Variants in KCNAB1 observed in about 807,000 individuals in gnomAD.
KCNAB1 encodes the protein potassium voltage-gated channel subfamily A regulatory beta subunit 1.
In KCNAB1, 35 loss-of-function variants were observed where a neutral mutation model predicts 64.6. The ratio of observed to expected loss-of-function variants is 0.54; its 90% CI spans 0.41 to 0.72. The LOEUF (loss-of-function observed/expected upper bound fraction) is 0.72. Among genes scored for constraint, KCNAB1 ranks in the 30% least tolerant of loss-of-function variants. The probability of loss-of-function intolerance (pLI) is 0.00; values close to 1 mark genes in which losing one functional copy is unlikely to be tolerated. For synonymous variants in KCNAB1, 177 were observed against 183.8 expected, an observed-to-expected ratio of 0.96 and a Z score of 0.30; for missense variants, 401 against 512.9, an observed-to-expected ratio of 0.78 and a Z score of 2.11.
rs575384633 is a variant in KCNAB1, at chr3:156,506,906, A to G, written c.659-7458A>G. The stretch of plus-strand genomic sequence containing the variant: ...TCGAAAAAAAACAAAAAGAAAGCTC[A>G]TATTTCCCAAGTCATTTATACTCAT... On this transcript the variant is annotated intron_variant, in intron 8 of 13. Coordinates refer to ENST00000490337, the MANE Select transcript of KCNAB1 (RefSeq NM_172160.3). Among the ~76,000 whole-genome samples, 9 of 152,326 alleles carry G rather than the reference A, an allele frequency of 5.9e-5. No homozygotes were observed. In the South Asian group the frequency reaches 1.2e-3, roughly 21 times the overall value.
intron 1 of KCNAB1, among the ~76,000 whole-genome samples, chr3:156,312,626 C>A (rs1038973230): frequency 2.4e-5 from 3 of 125,730 alleles, no homozygotes; most frequent in African/African-American, 1.2e-4. Flanking sequence ...GCAGGAGAAT[C>A]GCTTGAACCT....
At chr3:156,410,827 G>A (rs575497892) in intron 1 of KCNAB1, among the ~76,000 whole-genome samples, 3 of 152,266 alleles carry the variant, frequency 2.0e-5, no homozygotes, top group South Asian at 4.1e-4. Flanking sequence ...ACCCAAATTT[G>A]TTAATCCATT....
chr3:156,378,812 A>G (rs1385432521), intron 1 of KCNAB1, among the ~76,000 whole-genome samples: 1 of 152,140 alleles, frequency 6.6e-6, no homozygotes, highest in Non-Finnish European at 1.5e-5. Context: ...CAAGCCCAGG[A>G]ACGAGGAGGG....
At chr3:156,301,474 C>T (rs1721151123) in intron 1 of KCNAB1, among the ~76,000 whole-genome samples, 1 of 152,116 alleles carries the variant, frequency 6.6e-6, no homozygotes, top group Non-Finnish European at 1.5e-5. Flanking sequence ...ATCTTAGCAG[C>T]CTGATTTCAG....
At chr3:156,514,994 G>C (rs1717460463) in intron 9 of KCNAB1, 106 bp from the exon 10 acceptor site, 1 of 1,149,586 alleles carries the variant, frequency 8.7e-7, no homozygotes, top group Admixed American at 2.7e-5. Context: ...CATGTTTCTT[G>C]GTTTGTACTG....
intron 1 of KCNAB1, among the ~76,000 whole-genome samples, chr3:156,408,394 C>T (rs548367211): frequency 6.6e-6 from 1 of 152,328 alleles, no homozygotes; most frequent in African/African-American, 2.4e-5. Flanking sequence ...TACCTAACCT[C>T]TCGCAGCCTC....
In KCNAB1 at chr3:156,149,256, C is replaced by T. The variant is rs549770746; in HGVS notation, c.275+28370C>T. Among the ~76,000 whole-genome samples, 6 of 152,010 alleles carry T rather than the reference C, an allele frequency of 3.9e-5. No homozygotes were observed. In the East Asian group the frequency reaches 7.7e-4, roughly 20 times the overall value. On this transcript the variant is annotated intron_variant, in intron 1 of 13. Transcript: ENST00000490337. ...CTAGATGGTAGACCAAGAAGGAAAC[C>T]GGACATAGTCCAAGCCTGACCTAAA...
chr3:156,236,683 C>T (rs1716867693), intron 1 of KCNAB1, among the ~76,000 whole-genome samples: 1 of 152,060 alleles, frequency 6.6e-6, no homozygotes, highest in South Asian at 2.1e-4. Flanking sequence ...CTTTTCTTGC[C>T]TTATCTCCTA....
At chr3:156,387,014 C>CTCTCTTTTTTTTTTTTTTTTTTTTT (rs60888308) in intron 1 of KCNAB1, among the ~76,000 whole-genome samples, 3 of 90,526 alleles carry the variant, frequency 3.3e-5, no homozygotes, top group African/African-American at 1.1e-4. Context: ...TTCTCTCTCT[C>CTCTCTTTTTTTTTTTTTTTTTTTTT]TTTTTTTTTT....
In KCNAB1 at chr3:156,515,181, A is replaced by G; in HGVS notation, c.826A>G (p.Lys276Glu). Residue 276 changes from lysine (K) to glutamate (E), a missense_variant, in exon 10 of 14, where the codon AAA (lysine) becomes GAA (glutamate). Coordinates refer to ENST00000490337, the MANE Select transcript of KCNAB1 (RefSeq NM_172160.3). ...TGAGTACCATCTTTTCCAGAGAGAG[A>G]AAGTGGAGGTCCAGCTGCCAGAGCT... is the stretch of plus-strand genomic sequence containing the variant. ...QAEYHLFQRE[K>E]VEVQLPELYH... 6.2e-7 allele frequency: 1 copy of G among 1,613,452 alleles called. No individual in the cohort carries two copies. The highest frequency in any genetic ancestry group is 8.5e-7 in the Non-Finnish European group (1 of 1,179,560).
intron 2 of KCNAB1, among the ~76,000 whole-genome samples, chr3:156,439,101 A>G (rs1716805682): frequency 6.6e-6 from 1 of 152,162 alleles, no homozygotes; most frequent in East Asian, 1.9e-4. Flanking sequence ...ACTTACCAGC[A>G]AATAAACTCA....
At chr3:156,529,754 C>T (rs1382845106) in intron 12 of KCNAB1, among the ~76,000 whole-genome samples, 1 of 152,204 alleles carries the variant, frequency 6.6e-6, no homozygotes, top group African/African-American at 2.4e-5. Flanking sequence ...CAGGACAGTT[C>T]TTAAAGAGTA....
intron 2 of KCNAB1, among the ~76,000 whole-genome samples, chr3:156,426,017 G>C (rs946568420): frequency 6.6e-6 from 1 of 152,096 alleles, no homozygotes; most frequent in Non-Finnish European, 1.5e-5. Context: ...TGGGGAAATG[G>C]GTCACATGTA....
intron 2 of KCNAB1, among the ~76,000 whole-genome samples, chr3:156,435,036 G>A (rs1377384096): frequency 6.6e-6 from 1 of 152,180 alleles, no homozygotes; most frequent in Non-Finnish European, 1.5e-5. Flanking sequence ...GCTAGTGTGG[G>A]TAACTGAAGC....
At chr3:156,359,511 T>C (rs552422195) in intron 1 of KCNAB1, among the ~76,000 whole-genome samples, 40 of 152,322 alleles carry the variant, frequency 2.6e-4, no homozygotes, top group African/African-American at 9.6e-4. Flanking sequence ...TCATCTCAGA[T>C]CGGTTGACTG....
chr3:156,520,239 A>G (rs1050401331), intron 11 of KCNAB1, among the ~76,000 whole-genome samples: 3 of 152,182 alleles, frequency 2.0e-5, no homozygotes, highest in Non-Finnish European at 4.4e-5. Context: ...TAAATAGTGC[A>G]ATAAAATTTA....
intron 1 of KCNAB1, among the ~76,000 whole-genome samples, chr3:156,311,058 A>C (rs765004535): frequency 7.9e-5 from 12 of 152,180 alleles, no homozygotes; most frequent in Non-Finnish European, 1.8e-4. Flanking sequence ...CGAGGAGCAG[A>C]AGACCCCCCA....
At chr3:156,269,544 T>C (rs1246576037) in intron 1 of KCNAB1, among the ~76,000 whole-genome samples, 1 of 152,224 alleles carries the variant, frequency 6.6e-6, no homozygotes, top group Non-Finnish European at 1.5e-5. Flanking sequence ...CTGTTTTTTC[T>C]TTGTTGATTT....
chr3:156,535,243 A>G (rs1718973474), intron 13 of KCNAB1, among the ~76,000 whole-genome samples: 1 of 152,164 alleles, frequency 6.6e-6, no homozygotes. Context: ...TTGACTGGAG[A>G]CAAGGTCACC....
Sources: gnomAD v4.1 joint callset for allele counts (sites outside exome capture counted in the v4.1 genomes callset) on GRCh38, gnomAD v4.1.1 for gene constraint, MANE v1.5 for transcripts, NCBI Gene and HGNC (gene_info 2026-07-23, HGNC 2026-07-21) for gene names.